Variants in MYO3B observed in about 807,000 individuals in gnomAD.
MYO3B encodes myosin IIIB, also known as myosin-IIIb.
MYO3B carries 156 observed loss-of-function variants against 174.6 expected under a neutral mutation model. The observed-to-expected ratio is 0.89, with a 90% CI of 0.78 to 1.02. The LOEUF (loss-of-function observed/expected upper bound fraction) is 1.02, where lower values mean the gene tolerates loss of function less well. Among genes scored for constraint, MYO3B ranks in the 50% least tolerant of loss-of-function variants. The probability of loss-of-function intolerance (pLI) is 0.00; values close to 1 mark genes in which losing one functional copy is unlikely to be tolerated. For missense variants in MYO3B, 1,632 were observed against 1,639.4 expected (o/e 1.00, Z 0.08); for synonymous variants, 563 against 569.1 (o/e 0.99, Z 0.15).
intron 1 of MYO3B, among the ~76,000 whole-genome samples, chr2:170,195,151 C>G (rs2092584593): frequency 6.6e-6 from 1 of 151,962 alleles, no homozygotes; most frequent in Admixed American, 6.6e-5. Flanking sequence ...GGGCAGGAGA[C>G]AGGGAAACAC....
chr2:170,445,530 G>A (rs897763687), intron 23 of MYO3B, among the ~76,000 whole-genome samples: 1 of 151,972 alleles, frequency 6.6e-6, no homozygotes, highest in African/African-American at 2.4e-5. Flanking sequence ...TAGTAGAGAC[G>A]GGGTTTCTCC....
chr2:170,402,736 T>G, intron 18 of MYO3B, 112 bp from the exon 19 acceptor site: 2 of 984,194 alleles, frequency 2.0e-6, no homozygotes, highest in Non-Finnish European at 2.8e-6. Context: ...CTGCTTTCCA[T>G]GAGTGGGTGA....
Position 170,551,315 on chromosome 2 carries a change from A to G in MYO3B, c.3733+7327A>G, listed in dbSNP as rs140548271. On this transcript the variant is annotated intron_variant, in intron 32 of 34. Transcript: ENST00000408978. Reference sequence around the variant, plus strand: ...TTACTCTAAGCCCCACCAGATCTGAATGTTTTCATATATATTTAATTTAAT... The same window carrying G: ...TTACTCTAAGCCCCACCAGATCTGAGTGTTTTCATATATATTTAATTTAAT... 1.9e-4 allele frequency among the ~76,000 whole-genome samples: 26 copies of G among 138,618 alleles called. 1 individual carries two copies. The East Asian group carries it at 5.0e-3, about 27-fold the overall frequency. 90.9% of individuals were successfully genotyped at this position (138,618 alleles called of 152,430 possible).
At chr2:170,343,071 A>G (rs1057238313) in intron 8 of MYO3B, among the ~76,000 whole-genome samples, 3 of 141,732 alleles carry the variant, frequency 2.1e-5, no homozygotes, top group African/African-American at 5.3e-5. Context: ...ACACACACAC[A>G]CACACACCCC....
intron 23 of MYO3B, among the ~76,000 whole-genome samples, chr2:170,456,287 G>T (rs1683905878): frequency 6.6e-6 from 1 of 152,232 alleles, no homozygotes; most frequent in Admixed American, 6.5e-5. Context: ...CTGTCCAGTT[G>T]TGTTGACAGA....
At chr2:170,429,810 G>T (rs575785339) in intron 22 of MYO3B, among the ~76,000 whole-genome samples, 5 of 152,166 alleles carry the variant, frequency 3.3e-5, no homozygotes, top group Admixed American at 1.3e-4. Context: ...TGAAAACTTA[G>T]TATTCTGTCC....
At chr2:170,635,267 G>A (rs1306458777) in intron 32 of MYO3B, among the ~76,000 whole-genome samples, 1 of 152,184 alleles carries the variant, frequency 6.6e-6, no homozygotes, top group African/African-American at 2.4e-5. Flanking sequence ...ATACACCATG[G>A]AATACTATGC....
At chr2:170,533,032 C>G (rs768365131) in intron 30 of MYO3B, among the ~76,000 whole-genome samples, 11 of 152,098 alleles carry the variant, frequency 7.2e-5, no homozygotes, top group Non-Finnish European at 1.6e-4. Context: ...TTGCAATAAA[C>G]AAGTCAGTGC....
At chr2:170,229,545 G>C (rs1559318132) in intron 6 of MYO3B, among the ~76,000 whole-genome samples, 1 of 152,100 alleles carries the variant, frequency 6.6e-6, no homozygotes. Flanking sequence ...AATAATACCT[G>C]TTGTTTAAGT....
At chr2:170,258,095 C>A (rs2093318325) in intron 7 of MYO3B, among the ~76,000 whole-genome samples, 1 of 151,970 alleles carries the variant, frequency 6.6e-6, no homozygotes, top group Non-Finnish European at 1.5e-5. Context: ...AACCTGGCAA[C>A]CTAAAAAGCT....
chr2:170,441,319 G>A (rs1239508109), intron 22 of MYO3B, among the ~76,000 whole-genome samples: 1 of 151,888 alleles, frequency 6.6e-6, no homozygotes, highest in Non-Finnish European at 1.5e-5. Context: ...TTGAATGGAA[G>A]TGGTGAGTGT....
At chr2:170,306,582 C>G (rs570064103) in intron 7 of MYO3B, among the ~76,000 whole-genome samples, 58 of 152,252 alleles carry the variant, frequency 3.8e-4, no homozygotes, top group African/African-American at 1.4e-3. Flanking sequence ...GTTGACTGAC[C>G]GTTAGTCTGA....
At chr2:170,490,442 C>T (rs1432569102) in intron 25 of MYO3B, among the ~76,000 whole-genome samples, 2 of 152,092 alleles carry the variant, frequency 1.3e-5, no homozygotes, top group Non-Finnish European at 2.9e-5. Context: ...GTAGCTTTTT[C>T]GTAGATTACA....
At chr2:170,633,436 ACT>A (rs1697193685) in intron 32 of MYO3B, among the ~76,000 whole-genome samples, 1 of 151,836 alleles carries the variant, frequency 6.6e-6, no homozygotes, top group South Asian at 2.1e-4. Flanking sequence ...CATGCTAAAA[ACT>A]CTCAATAAAC....
intron 19 of MYO3B, 61 bp downstream of exon 19, chr2:170,403,056 C>G (rs2094488402): frequency 6.7e-7 from 1 of 1,485,932 alleles, no homozygotes; most frequent in Non-Finnish European, 9.1e-7. Context: ...AAGCTGCCCA[C>G]AATTTGTAGC....
intron 32 of MYO3B, among the ~76,000 whole-genome samples, chr2:170,561,935 C>T (rs1477658043): frequency 2.6e-5 from 4 of 151,582 alleles, no homozygotes; most frequent in African/African-American, 9.7e-5. Flanking sequence ...TAAACAACAA[C>T]AACAAAAAGT....
chr2:170,569,088 A>C (rs996052523), intron 32 of MYO3B, among the ~76,000 whole-genome samples: 7 of 150,736 alleles, frequency 4.6e-5, no homozygotes, highest in Non-Finnish European at 1.0e-4. Flanking sequence ...AATACCTTAA[A>C]ATACAATAAA....
intron 22 of MYO3B, among the ~76,000 whole-genome samples, chr2:170,442,645 C>T (rs2094809848): frequency 6.6e-6 from 1 of 152,058 alleles, no homozygotes; most frequent in Non-Finnish European, 1.5e-5. Context: ...AATGCTATCC[C>T]TCCCCACTCC....
At chr2:170,327,346 C>T (rs2093876472) in intron 7 of MYO3B, among the ~76,000 whole-genome samples, 1 of 152,220 alleles carries the variant, frequency 6.6e-6, no homozygotes, top group Non-Finnish European at 1.5e-5. Context: ...GATCACGCCA[C>T]TGCACTCCAG....
Sources: allele counts gnomAD v4.1 joint callset (sites outside exome capture counted in the v4.1 genomes callset), GRCh38; gene constraint gnomAD v4.1.1; transcripts MANE v1.5; gene names NCBI Gene and HGNC (gene_info 2026-07-23, HGNC 2026-07-21).